PDE4D: variants seen among roughly 807,000 people sequenced by gnomAD.
PDE4D encodes the protein phosphodiesterase 4D.
PDE4D carries 24 observed loss-of-function variants against 87.4 expected under a neutral mutation model. The observed-to-expected ratio is 0.27, with a 90% CI of 0.20 to 0.39. The LOEUF is 0.39. Among genes scored for constraint, PDE4D ranks in the 10% least tolerant of loss-of-function variants. The pLI is 1.00. For synonymous variants in PDE4D, 384 were observed against 383.2 expected, an observed-to-expected ratio of 1.00 and a Z score of -0.02; for missense variants, 714 against 1,041.0, an observed-to-expected ratio of 0.69 and a Z score of 4.32.
chr5:59,840,278 TCTC>T (rs576966125), intron 1 of PDE4D, among the ~76,000 whole-genome samples: 1 of 146,854 alleles, frequency 6.8e-6, no homozygotes. Flanking sequence ...CCCTTGTCAC[TCTC>T]CTATCTCCCT....
At chr5:59,244,142 T>C (rs1317976326) in intron 1 of PDE4D, among the ~76,000 whole-genome samples, 1 of 151,932 alleles carries the variant, frequency 6.6e-6, no homozygotes, top group South Asian at 2.1e-4. Flanking sequence ...ATTATATATA[T>C]ATACAGGCTG....
intron 1 of PDE4D, among the ~76,000 whole-genome samples, chr5:59,860,944 T>G (rs1373717866): frequency 1.3e-5 from 2 of 151,954 alleles, no homozygotes; most frequent in Non-Finnish European, 2.9e-5. Context: ...CTGCAACCTC[T>G]GCCTCCCGGG....
intron 2 of PDE4D, among the ~76,000 whole-genome samples, chr5:60,053,523 C>A (rs902192259): frequency 6.6e-6 from 1 of 152,116 alleles, no homozygotes; most frequent in Non-Finnish European, 1.5e-5. Context: ...TTCCTTACAA[C>A]TTATACAAAA....
intron 1 of PDE4D, among the ~76,000 whole-genome samples, chr5:59,330,851 G>A (rs73092916): frequency 1.7e-4 from 26 of 152,186 alleles, no homozygotes; most frequent in Non-Finnish European, 2.9e-4. Context: ...TGGCTTCCTC[G>A]ACAGCCTCAT....
chr5:60,361,868 A>G (rs10514893), intron 1 of PDE4D, among the ~76,000 whole-genome samples: 13,784 of 152,236 alleles, frequency 0.091, 1,098 homozygotes, highest in African/African-American at 0.22. Context: ...CTTAGTCCAC[A>G]GTAATTGATA....
At chr5:60,510,761 G>A (rs1167591995) in intron 1 of PDE4D, among the ~76,000 whole-genome samples, 1 of 152,144 alleles carries the variant, frequency 6.6e-6, no homozygotes, top group African/African-American at 2.4e-5. Context: ...TCTGGAAAAA[G>A]TATAAAGGAT....
At chr5:59,301,426 C>G (rs1003839346) in intron 1 of PDE4D, among the ~76,000 whole-genome samples, 25 of 152,062 alleles carry the variant, frequency 1.6e-4, no homozygotes, top group African/African-American at 6.0e-4. Context: ...CCAAATGGCT[C>G]TTGAATCTAC....
chr5:60,337,062 G>A (rs1161925517), intron 1 of PDE4D, among the ~76,000 whole-genome samples: 1 of 150,956 alleles, frequency 6.6e-6, no homozygotes, highest in East Asian at 2.0e-4. Flanking sequence ...GCTTATGCTT[G>A]TAATCTCAGC....
chr5:60,103,929 C>T (rs537816266), intron 2 of PDE4D, among the ~76,000 whole-genome samples: 49 of 152,258 alleles, frequency 3.2e-4, no homozygotes, highest in African/African-American at 1.1e-3. Context: ...CCAGCATGAG[C>T]GACGCAGAAG....
intron 5 of PDE4D, among the ~76,000 whole-genome samples, chr5:59,093,546 CT>C (rs1414228555): frequency 1.3e-5 from 2 of 152,204 alleles, no homozygotes; most frequent in African/African-American, 2.4e-5. Flanking sequence ...GGGGTACCCC[CT>C]AATCATGACC....
At chr5:60,495,979 A>C (rs1198212709) in intron 1 of PDE4D, among the ~76,000 whole-genome samples, 1 of 152,242 alleles carries the variant, frequency 6.6e-6, no homozygotes, top group Non-Finnish European at 1.5e-5. Context: ...CCAAGTGAAC[A>C]GTGAGTTTCA....
chr5:60,377,958 C>A (rs1761555205), intron 1 of PDE4D, among the ~76,000 whole-genome samples: 1 of 152,192 alleles, frequency 6.6e-6, no homozygotes, highest in African/African-American at 2.4e-5. Flanking sequence ...ACATTAATGT[C>A]TCTTTCTGAC....
intron 3 of PDE4D, among the ~76,000 whole-genome samples, chr5:59,963,948 G>T (rs979380739): frequency 6.6e-6 from 1 of 152,012 alleles, no homozygotes; most frequent in African/African-American, 2.4e-5. Flanking sequence ...TAATTCTTTT[G>T]ACAGGATCTG....
rs569672962 is a variant in PDE4D, at chr5:60,141,232, C to T, written c.42+44325G>A. On this transcript the variant is annotated intron_variant, in intron 2 of 16. Transcript: ENST00000502484. ...CATCTTGGGGGTGGGTGACAGAAAG[C>T]AATGTAGTGGCAGGACCTTCTGCCC... is the stretch of plus-strand genomic sequence containing the variant. 2.8e-4 allele frequency among the ~76,000 whole-genome samples: 42 copies of T among 152,184 alleles called. 1 individual carries two copies. Among genetic ancestry groups the T allele is most frequent in the Admixed American group, 8.5e-4 (13 of 15,270 alleles).
At position 59,476,093 on chromosome 5, in the gene PDE4D, TCTC is replaced by T. The variant is rs1803255174; in HGVS notation, c.456-260128_456-260126del. 2.0e-5 allele frequency among the ~76,000 whole-genome samples: 3 copies of T among 151,964 alleles called. No individual in the cohort carries two copies. In the East Asian group the frequency reaches 5.8e-4, roughly 29 times the overall value. ...CACGAGTTTCCTCCCACCAACCTAT[TCTC>T]CCTTCCCTCTATTTTATGAAGAAAA... is the stretch of plus-strand genomic sequence containing the variant. On this transcript the variant is annotated intron_variant, in intron 1 of 14. Transcript: ENST00000340635.
intron 1 of PDE4D, among the ~76,000 whole-genome samples, chr5:59,621,812 AT>A (rs1830386175): frequency 6.6e-6 from 1 of 152,340 alleles, no homozygotes; most frequent in Admixed American, 6.5e-5. Flanking sequence ...GAACAAGAAT[AT>A]GATGCTAAAT....
intron 5 of PDE4D, among the ~76,000 whole-genome samples, chr5:59,094,131 T>C (rs552723807): frequency 2.7e-5 from 4 of 147,158 alleles, no homozygotes; most frequent in Admixed American, 2.1e-4. Context: ...GGCAGGAGAA[T>C]TGCTTGAACC....
intron 2 of PDE4D, among the ~76,000 whole-genome samples, chr5:60,042,933 A>T (rs190651294): frequency 6.6e-6 from 1 of 152,138 alleles, no homozygotes; most frequent in South Asian, 2.1e-4. Context: ...ACAAAACTGG[A>T]TGGAGAATGA....
At position 59,927,079 on chromosome 5, in the gene PDE4D, G is replaced by C. The variant is rs1755376849; in HGVS notation, c.272+61409C>G. Among the ~76,000 whole-genome samples the C allele has an allele frequency of 2.0e-5, 3 of 152,104 alleles. No homozygotes were observed. The East Asian group carries it at 5.8e-4, about 29-fold the overall frequency. ...TCAGCTTACATAGACCAAAACACAT[G>C]AACTAAAGGAAGAGTGGAATTTAGC... On this transcript the variant is annotated intron_variant, in intron 3 of 16. Coordinates refer to the PDE4D transcript ENST00000502484.
Sources: gnomAD v4.1 joint callset for allele counts (sites outside exome capture counted in the v4.1 genomes callset) on GRCh38, gnomAD v4.1.1 for gene constraint, MANE v1.5 for transcripts, NCBI Gene and HGNC (gene_info 2026-07-23, HGNC 2026-07-21) for gene names.